Variants in GAK observed in about 807,000 individuals in gnomAD.
GAK encodes cyclin G associated kinase.
GAK carries 79 observed loss-of-function variants against 143.9 expected under a neutral mutation model. That is an observed-to-expected ratio of 0.55 (90% confidence interval 0.46 to 0.66). The LOEUF is 0.66. GAK is among the 30% of genes least tolerant of loss of function. The pLI is 0.00. For missense variants in GAK, 1,693 were observed against 1,779.7 expected (o/e 0.95, Z 0.88); for synonymous variants, 881 against 765.5 (o/e 1.15, Z -2.49).
intron 1 of GAK, among the ~76,000 whole-genome samples, chr4:915,193 C>T (rs1388845297): frequency 1.3e-5 from 2 of 150,272 alleles, no homozygotes; most frequent in Non-Finnish European, 3.0e-5. Context: ...CCAGCATACA[C>T]GGCCCCGTGC....
chr4:856,415 C>T (rs1427092057), intron 24 of GAK, among the ~76,000 whole-genome samples: 32 of 59,614 alleles, frequency 5.4e-4, no homozygotes, highest in African/African-American at 7.0e-4. Flanking sequence ...AGCTGCTCAC[C>T]ACAGCTGCTC....
In GAK at chr4:851,907, G is replaced by A; in HGVS notation, c.3351C>T (p.Ser1117=). ...CTGGCGGCCGACTTGTCTGCCAGGAGCTGCTGCCTTTGGGCGTGGTGGCCG... is the reference window on the plus strand; with the variant it reads ...CTGGCGGCCGACTTGTCTGCCAGGAACTGCTGCCTTTGGGCGTGGTGGCCG... ...PKTATTPKGS[S]SWQTSRPPAQ... is the part of the protein sequence containing the mutation. Residue 1117 remains serine (S), a synonymous_variant, in exon 25 of 28, where the codon AGC becomes AGT. Transcript: ENST00000314167. The A allele has an allele frequency of 6.2e-7, 1 of 1,613,112 alleles. No individual in the cohort carries two copies. The highest frequency in any genetic ancestry group is 8.5e-7 in the Non-Finnish European group (1 of 1,179,294).
intron 4 of GAK, among the ~76,000 whole-genome samples, chr4:906,876 C>T (rs143239227): frequency 1.7e-4 from 26 of 152,336 alleles, no homozygotes; most frequent in Admixed American, 4.6e-4. Context: ...CCTCAGGACC[C>T]CTCACAAGCT....
At chr4:908,550 T>G (rs1406115314) in intron 4 of GAK, among the ~76,000 whole-genome samples, 1 of 152,094 alleles carries the variant, frequency 6.6e-6, no homozygotes, top group Non-Finnish European at 1.5e-5. Flanking sequence ...GTAATCCCAG[T>G]GCTACAGGTG....
At chr4:893,256 T>A in intron 9 of GAK, 121 bp downstream of exon 9, 1 of 604,234 alleles carries the variant, frequency 1.7e-6, no homozygotes, top group Non-Finnish European at 2.7e-6. Flanking sequence ...TGTGCCTCCC[T>A]CCCTTCTGCA....
At chr4:912,012 C>A in intron 3 of GAK, 1 of 501,148 alleles carries the variant, frequency 2.0e-6, no homozygotes. Context: ...CAAAGGCAGG[C>A]ACACCGGCCA....
Position 865,252 on chromosome 4 carries a change from G to A in GAK, c.3044-8C>T. 6.2e-7 allele frequency: 1 copy of A among 1,613,096 alleles called. No individual in the cohort carries two copies. The highest frequency in any genetic ancestry group is 8.5e-7 in the Non-Finnish European group (1 of 1,179,822). On this transcript the variant is annotated splice_polypyrimidine_tract_variant and splice_region_variant and intron_variant, in intron 22 of 27. Coordinates refer to ENST00000314167, the MANE Select transcript of GAK (RefSeq NM_005255.4). ...GCTCTCCTGGCAGATCCCCTGGGAA[G>A]AAGGAACCAGAAGAGAGCACAGTTT...
chr4:881,691 CA>C (rs766454463), intron 15 of GAK, among the ~76,000 whole-genome samples: 2 of 152,246 alleles, frequency 1.3e-5, no homozygotes, highest in Non-Finnish European at 2.9e-5. Flanking sequence ...GGTGCTGCCC[CA>C]CAGCAGTCAG....
chr4:892,040 T>C (rs3775128), intron 9 of GAK, among the ~76,000 whole-genome samples: 30,077 of 152,064 alleles, frequency 0.2, 3,239 homozygotes, highest in East Asian at 0.4. Context: ...TCCCAGCACT[T>C]CCCTGCTCCC....
chr4:924,973 G>T (rs1043550600), intron 1 of GAK, among the ~76,000 whole-genome samples: 8 of 151,114 alleles, frequency 5.3e-5, no homozygotes, highest in Non-Finnish European at 1.0e-4. Flanking sequence ...GTGGAGTTCT[G>T]CCCGGGGGCT....
At chr4:896,614 C>CGGAAGTGGTGCAA in intron 6 of GAK, 65 bp from the exon 7 acceptor site, 2 of 1,245,514 alleles carry the variant, frequency 1.6e-6, no homozygotes, top group Non-Finnish European at 2.3e-6. Flanking sequence ...TTATGTTGCA[C>CGGAAGTGGTGCAA]CACTTCCGTG....
intron 25 of GAK, 166 bp downstream of exon 25, chr4:851,584 G>GAA (rs1748148122): frequency 1.5e-6 from 1 of 677,776 alleles, no homozygotes; most frequent in Non-Finnish European, 2.5e-6. Context: ...CTGACCCAGA[G>GAA]AGAGACCAGT....
intron 24 of GAK, among the ~76,000 whole-genome samples, chr4:857,905 A>G (rs1749576359): frequency 6.6e-6 from 1 of 152,138 alleles, no homozygotes; most frequent in African/African-American, 2.4e-5. Flanking sequence ...GGGTGTCTCC[A>G]CACTGCCTGA....
Position 882,792 on chromosome 4 carries a change from G to T in GAK, c.1432C>A (p.Arg478=). The T allele has an allele frequency of 6.2e-7, 1 of 1,610,210 alleles. No homozygotes were observed. ...TACAGGGTGTGCAGGTGTGGGGCCC[G>T]CCGTGCTGCCCAGCCACACTCGGAG... ...RVSECGWAAR[R]APHLHTLYNI... The change falls in exon 14 of 28, where the codon CGG becomes AGG. Residue 478 remains arginine, a synonymous_variant. Transcript: ENST00000314167.
At chr4:910,866 G>A (rs1721934086) in intron 4 of GAK, among the ~76,000 whole-genome samples, 1 of 152,176 alleles carries the variant, frequency 6.6e-6, no homozygotes, top group Non-Finnish European at 1.5e-5. Flanking sequence ...GAGTTCTGGA[G>A]GGCATCGGCA....
chr4:903,617 G>T (rs990467879), intron 5 of GAK, among the ~76,000 whole-genome samples: 1 of 149,742 alleles, frequency 6.7e-6, no homozygotes, highest in Non-Finnish European at 1.5e-5. Flanking sequence ...GAGCAGGAAT[G>T]CGGGGCCTGA....
At chr4:898,232 G>A (rs917792816) in intron 5 of GAK, 74 bp from the exon 6 acceptor site, 1 of 1,564,986 alleles carries the variant, frequency 6.4e-7, no homozygotes, top group African/African-American at 1.3e-5. Flanking sequence ...ACGAACGGGT[G>A]TGAGACACAG....
rs564352578 is a variant in GAK, at chr4:910,901, G to A, written c.382+772C>T. On this transcript the variant is annotated intron_variant, in intron 4 of 27. Coordinates refer to ENST00000314167, the MANE Select transcript of GAK (RefSeq NM_005255.4). ...ACGAGGCAGGGCTGGGGGTGGAGCC[G>A]CCCTCTGAGGCACAGGTCTTGTTTC... 2.4e-3 allele frequency among the ~76,000 whole-genome samples: 359 copies of A among 152,210 alleles called. 1 individual carries two copies. Among genetic ancestry groups the A allele is most frequent in the Non-Finnish European group, 1.1e-3 (73 of 67,996 alleles).
chr4:882,753 T>C lies in GAK; in HGVS notation c.1471A>G (p.Asn491Asp), dbSNP rs1715405140. The change falls in exon 14 of 28, where the codon AAC becomes GAC. Residue 491 changes from asparagine (N) to aspartate (D), a missense_variant. By Grantham distance (23) the Asn-to-Asp change is conservative. Coordinates refer to ENST00000314167, the MANE Select transcript of GAK (RefSeq NM_005255.4). ...TCCTGCCGCAGCCAGGCGTGCATGT[T>C]CCTGCAGATGTTGTACAGGGTGTGC... ...HLHTLYNICRNMHAWLRQDHK... is the reference protein window; with the variant it reads ...HLHTLYNICRDMHAWLRQDHK... 2 of 1,612,476 alleles carry C rather than the reference T, an allele frequency of 1.2e-6. No individual in the cohort carries two copies.
Sources: allele counts gnomAD v4.1 joint callset (sites outside exome capture counted in the v4.1 genomes callset), GRCh38; gene constraint gnomAD v4.1.1; transcripts MANE v1.5; gene names NCBI Gene and HGNC (gene_info 2026-07-23, HGNC 2026-07-21).